The following ACTN1 variants were observed in gnomAD, a reference collection of about 807,000 sequenced individuals.
ACTN1 encodes actinin alpha 1, also known as alpha-actinin-1.
Under a neutral mutation model 119.6 loss-of-function variants are expected in ACTN1, and 30 were observed. The ratio of observed to expected loss-of-function variants is 0.25; its 90% CI spans 0.19 to 0.34. The LOEUF is 0.34. Ranked by LOEUF, ACTN1 falls within the 10% of genes least tolerant of loss-of-function variation. ACTN1 has a pLI of 1.00. For missense variants in ACTN1, 764 were observed against 1,223.4 expected, an observed-to-expected ratio of 0.62 and a Z score of 5.60; for synonymous variants, 429 against 472.6, an observed-to-expected ratio of 0.91 and a Z score of 1.20.
In ACTN1 at chr14:68,884,307, C is replaced by A. The variant is rs765810811; in HGVS notation, c.1496G>T (p.Arg499Leu). Residue 499 changes from arginine to leucine, a missense_variant and splice_region_variant, in exon 14 of 22, where the codon CGG (arginine) becomes CTG (leucine). Physicochemically the swap from Arg to Leu is moderately radical, Grantham distance 102 (BLOSUM62 -2). Around this residue, in one of 4 missense-constraint regions of ACTN1, gnomAD observed 544 missense variants for 912.0 expected, o/e 0.60. Transcript: ENST00000394419. The part of the protein sequence containing the change: ...LTQKRREALE[R>L]TEKLLETIDQ... ...AATGGTCTCCAGCAGTTTCTCGGTC[C>A]GCTGGGAGTGCCAAATAGGGTAAGG... 1.2e-5 allele frequency: 20 copies of A among 1,613,670 alleles called. No individual in the cohort carries two copies. The highest frequency in any genetic ancestry group is 1.7e-5 in the Non-Finnish European group (20 of 1,179,780).
At chr14:68,967,632 CT>C (rs1313995417) in intron 1 of ACTN1, among the ~76,000 whole-genome samples, 2 of 152,356 alleles carry the variant, frequency 1.3e-5, no homozygotes, top group East Asian at 3.9e-4. Flanking sequence ...CATATCTGTC[CT>C]TTCTGACTCT....
chr14:68,967,607 G>A (rs1488739862), intron 1 of ACTN1, among the ~76,000 whole-genome samples: 1 of 152,222 alleles, frequency 6.6e-6, no homozygotes, highest in African/African-American at 2.4e-5. Context: ...TGTAATGAAG[G>A]CAGGCAGGCT....
intron 1 of ACTN1, among the ~76,000 whole-genome samples, chr14:68,931,258 G>C (rs952789194): frequency 1.3e-5 from 2 of 152,230 alleles, no homozygotes; most frequent in African/African-American, 4.8e-5. Flanking sequence ...TTGGCACAGA[G>C]AGTCTGAGTT....
At chr14:68,877,573 T>G (rs72733506) in intron 20 of ACTN1, 61,218 of 253,116 alleles carry the variant, frequency 0.24, 8,316 homozygotes, top group Admixed American at 0.39. Flanking sequence ...TTCAATTCAT[T>G]TAATCCTTAC....
chr14:68,930,227 G>A (rs905257215), intron 1 of ACTN1, among the ~76,000 whole-genome samples: 4 of 152,174 alleles, frequency 2.6e-5, no homozygotes, highest in Non-Finnish European at 4.4e-5. Context: ...TAAAATGGGG[G>A]ACAATAGCAT....
chr14:68,956,174 C>CA (rs921384763), intron 1 of ACTN1, among the ~76,000 whole-genome samples: 80 of 150,132 alleles, frequency 5.3e-4, no homozygotes, highest in African/African-American at 1.6e-3. Context: ...GTCTCAAAAA[C>CA]AAAAAAAAAG....
chr14:68,924,725 C>T (rs2034833087), intron 2 of ACTN1, among the ~76,000 whole-genome samples: 1 of 152,116 alleles, frequency 6.6e-6, no homozygotes, highest in Non-Finnish European at 1.5e-5. Flanking sequence ...CACACTGACA[C>T]CACAACAGTA....
chr14:68,958,138 C>A (rs544768919), intron 1 of ACTN1, among the ~76,000 whole-genome samples: 1 of 152,356 alleles, frequency 6.6e-6, no homozygotes, highest in African/African-American at 2.4e-5. Context: ...GATAATTTAA[C>A]ATTTCCTCCC....
chr14:68,977,809 C>CT (rs59745876), intron 1 of ACTN1: 1 of 368,620 alleles, frequency 2.7e-6, no homozygotes, highest in South Asian at 2.0e-5. Context: ...GTCCCCCCCC[C>CT]ACCCAAAACC....
At chr14:68,949,356 C>T (rs150057057) in intron 1 of ACTN1, among the ~76,000 whole-genome samples, 1 of 152,316 alleles carries the variant, frequency 6.6e-6, no homozygotes, top group African/African-American at 2.4e-5. Context: ...CCCAAAAAGG[C>T]CCTTCTGCAC....
intron 1 of ACTN1, among the ~76,000 whole-genome samples, chr14:68,937,275 A>C (rs1433834939): frequency 1.3e-5 from 2 of 152,142 alleles, no homozygotes; most frequent in Non-Finnish European, 2.9e-5. Context: ...GGGAATATAT[A>C]CATTTAATTG....
In ACTN1 at chr14:68,880,117, C is replaced by T. The variant is rs201224789; in HGVS notation, c.2134-9G>A. ...CAGCCCACACGGATGTGCTGCAGGACGGCAAGGGGCCTGTCAGCAAAGGGG... is the reference window on the plus strand; with the variant it reads ...CAGCCCACACGGATGTGCTGCAGGATGGCAAGGGGCCTGTCAGCAAAGGGG... On this transcript the variant is annotated splice_polypyrimidine_tract_variant and intron_variant, in intron 17 of 21. Transcript: ENST00000394419. The surrounding 1 kb of genome is among the most constrained non-coding windows in gnomAD (Gnocchi z 4.6). 1,137 of 1,612,772 alleles carry T rather than the reference C, an allele frequency of 7.0e-4. 2 individuals are homozygous for T. Among genetic ancestry groups the T allele is most frequent in the Non-Finnish European group, 7.8e-4 (924 of 1,179,246 alleles).
rs1352973387 is a variant in ACTN1, at chr14:68,892,204, T to C, written c.935A>G (p.Lys312Arg). 8 of 1,614,186 alleles carry C rather than the reference T, an allele frequency of 5.0e-6. No individual in the cohort carries two copies. Among genetic ancestry groups the C allele is most frequent in the Non-Finnish European group, 5.1e-6 (6 of 1,180,040 alleles). The change falls in exon 10 of 22, where the codon AAG becomes AGG. Residue 312 changes from lysine to arginine, a missense_variant. This residue lies in a region of ACTN1 where 544 missense variants were observed against 912.0 expected (regional missense o/e 0.60). Coordinates refer to ENST00000394419, the MANE Select transcript of ACTN1 (RefSeq NM_001130004.2). ...CCGGTAGTCCCGGAAGTCCTCCAGC[T>C]TCTGTTGCATGGCATGCATGGTGTT... is the stretch of plus-strand genomic sequence containing the variant. ...PENTMHAMQQ[K>R]LEDFRDYRRL...
intron 7 of ACTN1, among the ~76,000 whole-genome samples, 170 bp downstream of exon 7, chr14:68,904,485 G>T (rs1316934433): frequency 6.6e-6 from 1 of 152,170 alleles, no homozygotes; most frequent in Non-Finnish European, 1.5e-5. Flanking sequence ...AAAGCTCAAA[G>T]AACGATGGAA....
chr14:68,880,682 T>C lies in ACTN1; in HGVS notation c.2133+128A>G, dbSNP rs1033340244. On this transcript the variant is annotated intron_variant, in intron 17 of 21. Transcript: ENST00000394419. This position sits in a 1 kb window ranked among gnomAD's most constrained non-coding sequence, Gnocchi z 4.6. ...CAGAAGGTACTAAAAATTGAAGATGTGAGGCTTCAGGGGTGAAGTTAATTT... is the reference window on the plus strand; with the variant it reads ...CAGAAGGTACTAAAAATTGAAGATGCGAGGCTTCAGGGGTGAAGTTAATTT... 3.5e-5 allele frequency: 33 copies of C among 944,612 alleles called. No individual in the cohort carries two copies. Among genetic ancestry groups the C allele is most frequent in the Middle Eastern group, 6.8e-4 (2 of 2,942 alleles). 58.5% of individuals were successfully genotyped at this position (944,612 alleles called of 1,614,324 possible).
chr14:68,933,980 GAAAAAAA>G (rs60158948), intron 1 of ACTN1, among the ~76,000 whole-genome samples: 1 of 119,706 alleles, frequency 8.4e-6, no homozygotes, highest in Non-Finnish European at 1.8e-5. Flanking sequence ...CCTGTCTCAA[GAAAAAAA>G]AAAAAAAAAA....
intron 1 of ACTN1, chr14:68,936,641 C>T: frequency 1.6e-6 from 1 of 614,868 alleles, no homozygotes; most frequent in Non-Finnish European, 3.1e-6. Context: ...CGTGGCAGAG[C>T]CCATGGGGGA....
intron 16 of ACTN1, among the ~76,000 whole-genome samples, chr14:68,881,911 A>T (rs181462): frequency 2.8e-5 from 4 of 145,390 alleles, no homozygotes; most frequent in Non-Finnish European, 6.1e-5. Flanking sequence ...AACTGACCCT[A>T]GTATGGGACT....
chr14:68,895,350 A>G (rs1012090871), intron 8 of ACTN1, among the ~76,000 whole-genome samples: 1 of 152,168 alleles, frequency 6.6e-6, no homozygotes, highest in African/African-American at 2.4e-5. Flanking sequence ...TCGAGAACCA[A>G]CAAGCACCCA....
Sources: allele counts gnomAD v4.1 joint callset (sites outside exome capture counted in the v4.1 genomes callset), GRCh38; gene constraint gnomAD v4.1.1; regional missense constraint gnomAD v4.1.1; non-coding constraint Gnocchi (gnomAD v3.1); transcripts MANE v1.5; gene names NCBI Gene and HGNC (gene_info 2026-07-23, HGNC 2026-07-21).